NEO1: variants seen among roughly 807,000 people sequenced by gnomAD.
NEO1 encodes neogenin 1.
A neutral mutation model predicts 159.7 loss-of-function variants in NEO1; 63 were observed. The observed-to-expected ratio is 0.39, with a 90% CI of 0.32 to 0.49. The LOEUF (loss-of-function observed/expected upper bound fraction) is 0.49. NEO1 is among the 20% of genes least tolerant of loss of function. The pLI is 0.85. For synonymous variants in NEO1, 633 were observed against 662.0 expected (o/e 0.96, Z 0.67); for missense variants, 1,615 against 1,831.0 (o/e 0.88, Z 2.15).
At chr15:73,274,831 T>C in intron 21 of NEO1, 107 bp downstream of exon 21, 1 of 1,115,840 alleles carries the variant, frequency 9.0e-7, no homozygotes, top group Non-Finnish European at 1.3e-6. Flanking sequence ...ATCAGCACCA[T>C]GTGTTAAAAG....
At chr15:73,289,275 T>C (rs1306704398) in intron 25 of NEO1, 37 bp downstream of exon 25, 5 of 1,547,542 alleles carry the variant, frequency 3.2e-6, no homozygotes, top group Non-Finnish European at 4.5e-6. Flanking sequence ...GTGCTACCAA[T>C]CTGTTCAGTC....
intron 7 of NEO1, among the ~76,000 whole-genome samples, chr15:73,231,137 A>G (rs1178370318): frequency 6.6e-6 from 1 of 152,226 alleles, no homozygotes; most frequent in Admixed American, 6.5e-5. Flanking sequence ...AAAAACTGCT[A>G]AAACTATTAG....
chr15:73,230,400 C>T lies in NEO1; in HGVS notation c.1292-5947C>T, dbSNP rs573223284. On this transcript the variant is annotated intron_variant, in intron 7 of 28. Transcript: ENST00000261908. ...GGTTGGTAGTATTGTACTATTGTCC[C>T]TTCTTGTATTCTTGATTTGAGTAAC... 7.8e-4 allele frequency among the ~76,000 whole-genome samples: 118 copies of T among 151,814 alleles called. 1 individual carries two copies. The highest frequency in any genetic ancestry group is 2.8e-3 in the African/African-American group (115 of 41,344).
chr15:73,229,878 A>G (rs1241693952), intron 7 of NEO1, among the ~76,000 whole-genome samples: 1 of 152,144 alleles, frequency 6.6e-6, no homozygotes, highest in Non-Finnish European at 1.5e-5. Flanking sequence ...TTCCTATGAT[A>G]AATTCTACTT....
intron 19 of NEO1, among the ~76,000 whole-genome samples, chr15:73,273,507 C>A (rs1056241245): frequency 6.6e-6 from 1 of 152,128 alleles, no homozygotes; most frequent in Admixed American, 6.5e-5. Flanking sequence ...CAGATAGATT[C>A]ATGGTTGTGA....
chr15:73,269,936 C>G, intron 16 of NEO1, 74 bp from the exon 17 acceptor site: 2 of 1,161,006 alleles, frequency 1.7e-6, no homozygotes, highest in Non-Finnish European at 2.6e-6. Flanking sequence ...ATTATATTAC[C>G]CTGCATTTCC....
intron 7 of NEO1, among the ~76,000 whole-genome samples, chr15:73,206,913 A>G (rs1461252175): frequency 1.3e-5 from 2 of 151,912 alleles, no homozygotes; most frequent in African/African-American, 4.8e-5. Flanking sequence ...GAGTGTGGTG[A>G]AGTGATCATA....
Position 73,253,466 on chromosome 15 carries a change from C to G in NEO1, c.1944+17C>G, listed in dbSNP as rs753018314. 2.6e-5 allele frequency: 41 copies of G among 1,581,424 alleles called. No homozygotes were observed. The highest frequency in any genetic ancestry group is 3.4e-5 in the Non-Finnish European group (39 of 1,161,670). On this transcript the variant is annotated intron_variant, in intron 12 of 28. Coordinates refer to ENST00000261908, the MANE Select transcript of NEO1 (RefSeq NM_002499.4). The stretch of plus-strand genomic sequence containing the variant: ...AATTCAAAGGTAAAACTGTATGATG[C>G]TGCTGTTCATTTTTACTGGTATACT...
chr15:73,221,223 A>G (rs1177759325), intron 7 of NEO1, among the ~76,000 whole-genome samples: 1 of 152,190 alleles, frequency 6.6e-6, no homozygotes, highest in African/African-American at 2.4e-5. Context: ...TATCAGCAGC[A>G]GTGTCTGCAG....
At chr15:73,246,292 A>G (rs1047222566) in intron 9 of NEO1, among the ~76,000 whole-genome samples, 1 of 152,220 alleles carries the variant, frequency 6.6e-6, no homozygotes, top group Admixed American at 6.5e-5. Context: ...ATTGAAGATA[A>G]GAATCAAACC....
chr15:73,095,754 A>T (rs960954077), intron 1 of NEO1, among the ~76,000 whole-genome samples: 3 of 152,038 alleles, frequency 2.0e-5, no homozygotes, highest in African/African-American at 7.2e-5. Flanking sequence ...ATTGAAGCCT[A>T]AATGTCCCAT....
At chr15:73,117,486 T>G (rs979842793) in intron 2 of NEO1, among the ~76,000 whole-genome samples, 9 of 152,198 alleles carry the variant, frequency 5.9e-5, no homozygotes, top group African/African-American at 2.2e-4. Context: ...GTTCCTGAGA[T>G]AGTGTTTCTT....
Position 73,099,279 on chromosome 15 carries a change from C to G in NEO1, c.131-17261C>G, listed in dbSNP as rs191978076. Among the ~76,000 whole-genome samples, 4 of 152,242 alleles carry G rather than the reference C, an allele frequency of 2.6e-5. No individual in the cohort carries two copies. The East Asian group carries it at 7.7e-4, about 29-fold the overall frequency. On this transcript the variant is annotated intron_variant, in intron 1 of 28. Coordinates refer to ENST00000261908, the MANE Select transcript of NEO1 (RefSeq NM_002499.4). ...TGTTATCAAACTTTTAAGAGCTCAA[C>G]GAATGAATGAAATTTGTCTATGACA...
chr15:73,183,142 G>T (rs1224534596), intron 7 of NEO1, among the ~76,000 whole-genome samples: 1 of 152,146 alleles, frequency 6.6e-6, no homozygotes, highest in African/African-American at 2.4e-5. Flanking sequence ...GCAAAAGCAG[G>T]AGACTACAGA....
At chr15:73,273,531 A>G (rs1365949555) in intron 19 of NEO1, among the ~76,000 whole-genome samples, 1 of 152,090 alleles carries the variant, frequency 6.6e-6, no homozygotes, top group African/African-American at 2.4e-5. Context: ...TTCCCTTCTC[A>G]ATGTGGGGAT....
intron 13 of NEO1, among the ~76,000 whole-genome samples, chr15:73,257,919 A>G (rs1409383632): frequency 6.6e-6 from 1 of 152,190 alleles, no homozygotes; most frequent in East Asian, 1.9e-4. Flanking sequence ...ACTTGGGCCC[A>G]GGCATTTTGC....
intron 7 of NEO1, among the ~76,000 whole-genome samples, chr15:73,213,764 T>C (rs2037718044): frequency 6.6e-6 from 1 of 152,202 alleles, no homozygotes; most frequent in South Asian, 2.1e-4. Context: ...TAATGACTTA[T>C]TTTCCTCTGG....
At chr15:73,168,389 G>C (rs1361833456) in intron 5 of NEO1, among the ~76,000 whole-genome samples, 2 of 107,198 alleles carry the variant, frequency 1.9e-5, no homozygotes, top group African/African-American at 6.6e-5. Flanking sequence ...TGGGGGGGGG[G>C]GGTCTCACCA....
intron 2 of NEO1, among the ~76,000 whole-genome samples, chr15:73,117,596 C>T (rs1285200529): frequency 1.3e-5 from 2 of 152,192 alleles, no homozygotes; most frequent in Non-Finnish European, 2.9e-5. Flanking sequence ...GAAACGCCCA[C>T]GTGTGAGACA....
Sources: allele counts gnomAD v4.1 joint callset (sites outside exome capture counted in the v4.1 genomes callset), GRCh38; gene constraint gnomAD v4.1.1; transcripts MANE v1.5; gene names NCBI Gene and HGNC (gene_info 2026-07-23, HGNC 2026-07-21).